YEATS4: variants seen among roughly 807,000 people sequenced by gnomAD.
YEATS4 encodes the protein YEATS domain-containing protein 4.
YEATS4 carries 17 observed loss-of-function variants against 30.1 expected under a neutral mutation model. That is an observed-to-expected ratio of 0.56 (90% CI 0.39 to 0.85). YEATS4 has a LOEUF of 0.85. Ranked by LOEUF, YEATS4 falls within the 40% of genes least tolerant of loss-of-function variation. The pLI, the probability that YEATS4 is intolerant of heterozygous loss-of-function variation, is 0.00. For missense variants in YEATS4, 142 were observed against 268.3 expected (o/e 0.53, Z 3.29); for synonymous variants, 85 against 87.5 (o/e 0.97, Z 0.16).
the YEATS4 span, among the ~76,000 whole-genome samples, chr12:69,397,980 A>T: frequency 2.6e-5 from 4 of 152,196 alleles, no homozygotes; most frequent in African/African-American, 9.6e-5. Flanking sequence ...AATACACATG[A>T]TCATCTCAAT....
At chr12:69,374,971 C>G (rs1326743206) in intron 6 of YEATS4, among the ~76,000 whole-genome samples, 3 of 149,072 alleles carry the variant, frequency 2.0e-5, no homozygotes, top group Non-Finnish European at 4.5e-5. Context: ...AGGGGCGCCC[C>G]CCACCTCCCA....
At chr12:69,373,175 AT>A (rs1875711310) in intron 6 of YEATS4, among the ~76,000 whole-genome samples, 1 of 152,134 alleles carries the variant, frequency 6.6e-6, no homozygotes, top group African/African-American at 2.4e-5. Flanking sequence ...GGATTGCTGG[AT>A]CATATAGCTC....
chr12:69,362,843 A>G lies in YEATS4; in HGVS notation c.107A>G (p.Lys36Arg). 6.2e-7 allele frequency: 1 copy of G among 1,612,896 alleles called. No individual in the cohort carries two copies. Among genetic ancestry groups the G allele is most frequent in the South Asian group, 1.1e-5 (1 of 91,004 alleles). The change falls in exon 2 of 7, where the codon AAG (lysine) becomes AGG (arginine). Residue 36 changes from lysine to arginine, a missense_variant. By Grantham distance (26) the Lys-to-Arg change is conservative (BLOSUM62 2). Transcript: ENST00000247843. ...VYGNVARYFG[K>R]KREEDGHTHQ... Reference sequence around the variant, plus strand: ...GGTAATGTTGCTCGGTATTTTGGAAAGAAAAGAGAAGAAGATGGGCACACT... The same window carrying G: ...GGTAATGTTGCTCGGTATTTTGGAAGGAAAAGAGAAGAAGATGGGCACACT...
At position 69,390,534 on chromosome 12, in the gene YEATS4, C is replaced by G. The variant is rs1868305484; in HGVS notation, c.*218C>G. ...GATGCTATATAGGTATTTTACCAAC[C>G]CATTTTAAGAAAATTCTATGATATT... On this transcript the variant is annotated 3_prime_UTR_variant, in exon 7 of 7. Coordinates refer to ENST00000247843, the MANE Select transcript of YEATS4 (RefSeq NM_006530.4). 3.3e-6 allele frequency: 1 copy of G among 304,342 alleles called. No individual in the cohort carries two copies. The highest frequency in any genetic ancestry group is 2.2e-5 in the African/African-American group (1 of 46,112). 18.9% of individuals were successfully genotyped at this position (304,342 alleles called of 1,614,324 possible).
chr12:69,390,875 A>G (rs1396185729), downstream of YEATS4: 1 of 152,214 alleles, frequency 6.6e-6, no homozygotes, highest in African/African-American at 2.4e-5. Flanking sequence ...TCTTTATAGT[A>G]TTGTGACATC....
chr12:69,366,304 ATT>A (rs1310878269), intron 4 of YEATS4, among the ~76,000 whole-genome samples: 2 of 151,918 alleles, frequency 1.3e-5, no homozygotes, highest in African/African-American at 4.8e-5. Flanking sequence ...TTTATATCTT[ATT>A]TATGAGTCTT....
At chr12:69,380,107 C>G (rs142628279) in intron 6 of YEATS4, among the ~76,000 whole-genome samples, 270 of 152,240 alleles carry the variant, frequency 1.8e-3, no homozygotes, top group African/African-American at 6.2e-3. Flanking sequence ...CCTTATTTAG[C>G]TCGTTTGGTG....
chr12:69,370,697 A>T lies in YEATS4; in HGVS notation c.334-9A>T. 6.5e-7 allele frequency: 1 copy of T among 1,534,150 alleles called. No individual in the cohort carries two copies. Among genetic ancestry groups the T allele is most frequent in the Non-Finnish European group, 8.7e-7 (1 of 1,148,252 alleles). ...TTGCACAGATTTGACATCTGTTTCT[A>T]TTTCACAGGTAACCCTGTATCATTT... On this transcript the variant is annotated splice_polypyrimidine_tract_variant and intron_variant, in intron 4 of 6. Transcript: ENST00000247843.
At chr12:69,389,233 T>C (rs958076160) in intron 6 of YEATS4, among the ~76,000 whole-genome samples, 3 of 152,034 alleles carry the variant, frequency 2.0e-5, no homozygotes, top group African/African-American at 7.2e-5. Flanking sequence ...GCGGATTGCC[T>C]GAGCTCAGGA....
the YEATS4 span, among the ~76,000 whole-genome samples, chr12:69,408,313 T>C: frequency 1.3e-5 from 2 of 152,218 alleles, no homozygotes; most frequent in African/African-American, 4.8e-5. Context: ...TTGATACTAA[T>C]TTCTCATTTT....
downstream of YEATS4, among the ~76,000 whole-genome samples, chr12:69,390,994 A>G (rs899224): frequency 0.4 from 61,118 of 152,118 alleles, 12,586 homozygotes; most frequent in Non-Finnish European, 0.46. Context: ...TTCACATACA[A>G]ATATATTAAT....
rs111302834 is a variant in YEATS4, at chr12:69,360,098, C to T, written c.51+75C>T. On this transcript the variant is annotated intron_variant, in intron 1 of 6. Coordinates refer to ENST00000247843, the MANE Select transcript of YEATS4 (RefSeq NM_006530.4). ...CCTCCCTGCGCGGCGCGGGGAGGGC[C>T]CACTGGGTTTCCTTTCGCGCCTTTT... 7.8e-3 allele frequency: 11,943 copies of T among 1,522,520 alleles called. 814 individuals carry two copies. In the African/African-American group the frequency reaches 0.15, roughly 19 times the overall value. The allele number at this position is 1,522,520 out of a possible 1,614,324, so 94.3% of individuals were successfully genotyped here. A position where few individuals can be genotyped will look rare whatever the true frequency, so the allele number is the denominator to read the frequency against.
intron 6 of YEATS4, among the ~76,000 whole-genome samples, chr12:69,388,695 A>T (rs1252041826): frequency 1.3e-5 from 2 of 152,220 alleles, no homozygotes; most frequent in Admixed American, 1.3e-4. Flanking sequence ...TTATAGATAG[A>T]TAGTTTCAGA....
At chr12:69,408,111 C>G in the YEATS4 span, among the ~76,000 whole-genome samples, 1 of 152,138 alleles carries the variant, frequency 6.6e-6, no homozygotes, top group Admixed American at 6.5e-5. Context: ...AGAGAACTAT[C>G]AAGAGTGTCT....
At chr12:69,400,698 A>T in the YEATS4 span, among the ~76,000 whole-genome samples, 4,615 of 134,982 alleles carry the variant, frequency 0.034, 255 homozygotes, top group African/African-American at 0.13. Context: ...TAAAAAGTTT[A>T]AAAAAAAAAA....
At chr12:69,419,234 T>TTTTTTTTTTTTTTTTG in the YEATS4 span, among the ~76,000 whole-genome samples, 1 of 145,926 alleles carries the variant, frequency 6.9e-6, no homozygotes, top group Non-Finnish European at 1.5e-5. Flanking sequence ...TTTTTTTTTT[T>TTTTTTTTTTTTTTTTG]TTTAGAGACA....
chr12:69,361,501 G>A (rs946214306), intron 1 of YEATS4: 3 of 152,340 alleles, frequency 2.0e-5, no homozygotes, highest in African/African-American at 7.2e-5. Context: ...GTGTTGGTCA[G>A]GCTGGTCTCG....
chr12:69,374,643 C>T (rs1371692777), intron 6 of YEATS4, among the ~76,000 whole-genome samples: 2 of 137,964 alleles, frequency 1.4e-5, no homozygotes, highest in Non-Finnish European at 3.2e-5. Flanking sequence ...ACATCTTGCG[C>T]CGCCCTTAAT....
the YEATS4 span, among the ~76,000 whole-genome samples, chr12:69,397,421 TGAGAGG>T: frequency 2.0e-5 from 3 of 152,314 alleles, no homozygotes; most frequent in Middle Eastern, 3.4e-3. Context: ...CCACTTGTTA[TGAGAGG>T]GACCCAGTGG....
Sources: gnomAD v4.1 joint callset for allele counts (sites outside exome capture counted in the v4.1 genomes callset) on GRCh38, gnomAD v4.1.1 for gene constraint, MANE v1.5 for transcripts, NCBI Gene and HGNC (gene_info 2026-07-23, HGNC 2026-07-21) for gene names.